Variants in LRRC4C observed in about 807,000 individuals in gnomAD.
LRRC4C encodes leucine-rich repeat-containing protein 4C.
Under a neutral mutation model 33.6 loss-of-function variants are expected in LRRC4C, and 5 were observed. The ratio of observed to expected loss-of-function variants is 0.15; its 90% CI spans 0.08 to 0.31. The LOEUF (loss-of-function observed/expected upper bound fraction) is 0.31. LRRC4C is among the 10% of genes least tolerant of loss of function. LRRC4C has a pLI of 1.00. For missense variants in LRRC4C, 560 were observed against 796.7 expected, an observed-to-expected ratio of 0.70 and a Z score of 3.58; for synonymous variants, 329 against 302.0, an observed-to-expected ratio of 1.09 and a Z score of -0.93.
At chr11:40,451,366 C>CTT (rs71060962) in intron 3 of LRRC4C, among the ~76,000 whole-genome samples, 2,289 of 47,078 alleles carry the variant, frequency 0.049, 837 homozygotes, top group Non-Finnish European at 0.064. Flanking sequence ...GAAATAATGA[C>CTT]TTTTTTTTTT....
intron 3 of LRRC4C, among the ~76,000 whole-genome samples, chr11:40,375,017 AT>A (rs1948600885): frequency 6.6e-6 from 1 of 152,178 alleles, no homozygotes; most frequent in African/African-American, 2.4e-5. Flanking sequence ...TATAAGTTGT[AT>A]CCTTATGGAT....
At chr11:41,244,846 G>T (rs867665150) in intron 1 of LRRC4C, among the ~76,000 whole-genome samples, 1 of 152,124 alleles carries the variant, frequency 6.6e-6, no homozygotes, top group Admixed American at 6.5e-5. Context: ...CAGGCACAGG[G>T]ACTCAAGTAG....
At chr11:40,497,404 A>T (rs1219205957) in intron 3 of LRRC4C, among the ~76,000 whole-genome samples, 5 of 147,216 alleles carry the variant, frequency 3.4e-5, no homozygotes, top group African/African-American at 1.3e-4. Context: ...AATTCCATTA[A>T]AAAAAAAAGT....
intron 1 of LRRC4C, among the ~76,000 whole-genome samples, chr11:41,183,181 C>G (rs1381360792): frequency 1.3e-5 from 2 of 152,038 alleles, no homozygotes; most frequent in Admixed American, 1.3e-4. Flanking sequence ...GCCCCTGGCC[C>G]CTCCCAAATC....
At chr11:40,493,355 A>G (rs1954261332) in intron 3 of LRRC4C, among the ~76,000 whole-genome samples, 1 of 152,130 alleles carries the variant, frequency 6.6e-6, no homozygotes, top group South Asian at 2.1e-4. Context: ...TATGTAAGTT[A>G]AACAAGTCTT....
chr11:40,789,093 GA>G (rs397956716), intron 2 of LRRC4C, among the ~76,000 whole-genome samples: 1,398 of 63,530 alleles, frequency 0.022, 9 homozygotes, highest in South Asian at 0.061. Context: ...TCCGTCTCGG[GA>G]AAAAAAAAAA....
At chr11:41,171,440 T>A (rs1278657743) in intron 1 of LRRC4C, among the ~76,000 whole-genome samples, 1 of 152,126 alleles carries the variant, frequency 6.6e-6, no homozygotes, top group Non-Finnish European at 1.5e-5. Context: ...GATGAGTTCA[T>A]GTCCTTTGTA....
At chr11:41,087,114 G>A (rs973681837) in intron 1 of LRRC4C, among the ~76,000 whole-genome samples, 3 of 152,000 alleles carry the variant, frequency 2.0e-5, no homozygotes, top group African/African-American at 7.2e-5. Context: ...CCGGAAATCT[G>A]GACATCACCC....
chr11:40,664,864 T>C (rs1177007195), intron 2 of LRRC4C, among the ~76,000 whole-genome samples: 1 of 151,992 alleles, frequency 6.6e-6, no homozygotes, highest in Non-Finnish European at 1.5e-5. Flanking sequence ...CATGTTGGTG[T>C]GCTGCACCCA....
At chr11:40,552,137 C>G (rs1957148995) in intron 3 of LRRC4C, among the ~76,000 whole-genome samples, 2 of 152,212 alleles carry the variant, frequency 1.3e-5, no homozygotes. Flanking sequence ...TCAGTCCCCA[C>G]AAACACATAA....
At chr11:41,036,650 G>A (rs901582352) in intron 1 of LRRC4C, among the ~76,000 whole-genome samples, 1 of 107,866 alleles carries the variant, frequency 9.3e-6, no homozygotes, top group Non-Finnish European at 2.2e-5. Flanking sequence ...GTTGAAGGAA[G>A]CATTTTTTAA....
At chr11:40,809,101 C>T (rs1174221979) in intron 2 of LRRC4C, among the ~76,000 whole-genome samples, 2 of 152,130 alleles carry the variant, frequency 1.3e-5, no homozygotes, top group East Asian at 3.9e-4. Context: ...AATCCCTCTC[C>T]AGACTTCACT....
At chr11:40,634,473 T>A (rs1200665880) in intron 3 of LRRC4C, among the ~76,000 whole-genome samples, 1 of 152,124 alleles carries the variant, frequency 6.6e-6, no homozygotes, top group Non-Finnish European at 1.5e-5. Flanking sequence ...AATCAAATAT[T>A]TGAATATTAC....
chr11:40,857,879 C>T (rs1296487093), intron 2 of LRRC4C, among the ~76,000 whole-genome samples: 1 of 151,178 alleles, frequency 6.6e-6, no homozygotes, highest in African/African-American at 2.4e-5. Context: ...TGTGCCACAG[C>T]ACTCCAGCCT....
chr11:40,790,585 G>C (rs115718644), intron 2 of LRRC4C, among the ~76,000 whole-genome samples: 2 of 152,192 alleles, frequency 1.3e-5, no homozygotes, highest in African/African-American at 4.8e-5. Context: ...AAGCAGCCAA[G>C]GAGATTTTCC....
intron 1 of LRRC4C, among the ~76,000 whole-genome samples, chr11:41,372,769 G>C (rs1225898697): frequency 3.3e-5 from 4 of 121,136 alleles, no homozygotes; most frequent in African/African-American, 1.2e-4. Context: ...GGTATGGTTT[G>C]TTTGCAAGAG....
chr11:40,817,565 T>A (rs1268888705), intron 2 of LRRC4C, among the ~76,000 whole-genome samples: 1 of 152,122 alleles, frequency 6.6e-6, no homozygotes, highest in East Asian at 1.9e-4. Context: ...GGACATCTAG[T>A]TACTGGTCCG....
intron 1 of LRRC4C, among the ~76,000 whole-genome samples, chr11:41,419,629 C>G (rs545160857): frequency 2.6e-5 from 4 of 151,922 alleles, no homozygotes; most frequent in Non-Finnish European, 5.9e-5. Context: ...ATAAAAGCTA[C>G]CACTTACTGA....
intron 2 of LRRC4C, among the ~76,000 whole-genome samples, chr11:40,893,849 A>G (rs1453680711): frequency 7.2e-6 from 1 of 139,530 alleles, no homozygotes; most frequent in Non-Finnish European, 1.6e-5. Context: ...ACACACACAC[A>G]CATTCACACA....
Sources: allele counts gnomAD v4.1 joint callset (sites outside exome capture counted in the v4.1 genomes callset), GRCh38; gene constraint gnomAD v4.1.1; transcripts MANE v1.5; gene names NCBI Gene and HGNC (gene_info 2026-07-23, HGNC 2026-07-21).